CACNA1E: variants seen among roughly 807,000 people sequenced by gnomAD.
CACNA1E encodes voltage-dependent R-type calcium channel subunit alpha-1E.
Under a neutral mutation model 259.2 loss-of-function variants are expected in CACNA1E, and 40 were observed. That is an observed-to-expected ratio of 0.15 (90% CI 0.12 to 0.20). The LOEUF is 0.20. Ranked by LOEUF, CACNA1E falls within the 10% of genes least tolerant of loss-of-function variation. The probability of loss-of-function intolerance (pLI) is 1.00; values close to 1 mark genes in which losing one functional copy is unlikely to be tolerated. For missense variants in CACNA1E, 1,874 were observed against 3,040.1 expected, an observed-to-expected ratio of 0.62 and a Z score of 9.02; for synonymous variants, 1,104 against 1,138.5, an observed-to-expected ratio of 0.97 and a Z score of 0.61.
chr1:181,401,355 A>G (rs1657091350), intron 1 of CACNA1E, among the ~76,000 whole-genome samples: 1 of 152,160 alleles, frequency 6.6e-6, no homozygotes, highest in Non-Finnish European at 1.5e-5. Context: ...AAGACCCTCT[A>G]TAGCCTCCCA....
chr1:181,526,001 T>C (rs1437394272), intron 3 of CACNA1E, among the ~76,000 whole-genome samples: 1 of 152,142 alleles, frequency 6.6e-6, no homozygotes, highest in Non-Finnish European at 1.5e-5. Flanking sequence ...ATATTTCCAG[T>C]GCACAATTCT....
chr1:181,440,871 C>T (rs1660416169), intron 2 of CACNA1E, among the ~76,000 whole-genome samples: 2 of 151,558 alleles, frequency 1.3e-5, no homozygotes, highest in African/African-American at 4.8e-5. Flanking sequence ...TATGATCCTA[C>T]TCAGGAAGCT....
chr1:181,657,450 G>A (rs1659298062), intron 7 of CACNA1E, among the ~76,000 whole-genome samples: 1 of 152,190 alleles, frequency 6.6e-6, no homozygotes, highest in African/African-American at 2.4e-5. Context: ...GTTGAAAGTG[G>A]TTGCCTCTGG....
At chr1:181,393,212 A>G (rs981462549) in intron 1 of CACNA1E, among the ~76,000 whole-genome samples, 1 of 152,204 alleles carries the variant, frequency 6.6e-6, no homozygotes, top group African/African-American at 2.4e-5. Flanking sequence ...GGCTCTACCA[A>G]TTACCAGTTA....
chr1:181,648,055 C>G (rs1299747699), intron 6 of CACNA1E, among the ~76,000 whole-genome samples: 1 of 152,364 alleles, frequency 6.6e-6, no homozygotes, highest in South Asian at 2.1e-4. Flanking sequence ...TTTTCTCCTT[C>G]TAGTTCCCAT....
chr1:181,698,620 C>T (rs995125955), intron 7 of CACNA1E, among the ~76,000 whole-genome samples: 12 of 151,960 alleles, frequency 7.9e-5, no homozygotes, highest in South Asian at 2.1e-4. Flanking sequence ...ATGTATTGTA[C>T]GAATCCTCAT....
chr1:181,371,240 T>C (rs1654694131), intron 1 of CACNA1E, among the ~76,000 whole-genome samples: 1 of 152,212 alleles, frequency 6.6e-6, no homozygotes, highest in Non-Finnish European at 1.5e-5. Flanking sequence ...ATGTCTTCTT[T>C]TGCTGTGCAG....
At chr1:181,524,996 T>C (rs945179609) in intron 3 of CACNA1E, among the ~76,000 whole-genome samples, 1 of 152,260 alleles carries the variant, frequency 6.6e-6, no homozygotes, top group Non-Finnish European at 1.5e-5. Flanking sequence ...TCAAGAAATA[T>C]TTGCTATGTG....
intron 25 of CACNA1E, among the ~76,000 whole-genome samples, chr1:181,741,431 C>T (rs1259867599): frequency 6.6e-6 from 1 of 152,198 alleles, no homozygotes; most frequent in Non-Finnish European, 1.5e-5. Context: ...GTTGATTCCC[C>T]TCCTCATCCT....
intron 6 of CACNA1E, among the ~76,000 whole-genome samples, chr1:181,637,548 C>T (rs1332219694): frequency 6.6e-6 from 1 of 150,794 alleles, no homozygotes; most frequent in African/African-American, 2.4e-5. Flanking sequence ...CAGATTTAAT[C>T]GGAGCCATAC....
intron 3 of CACNA1E, 34 bp downstream of exon 3, chr1:181,511,544 G>A (rs774704536): frequency 2.3e-5 from 37 of 1,609,726 alleles, no homozygotes; most frequent in Non-Finnish European, 3.0e-5. Flanking sequence ...CTGTGTGTGT[G>A]TATGAAGGGG....
In CACNA1E at chr1:181,472,633, C is replaced by CAT. The variant is rs1353626630; in HGVS notation, c.435-11110_435-11109dup. On this transcript the variant is annotated intron_variant, in intron 2 of 11. Coordinates refer to the CACNA1E transcript ENST00000524607. ...CGAGTTTACAAAGCATTTTAATACA[C>CAT]ATCTCTACCATCTCAACATCATTCT... is the stretch of plus-strand genomic sequence containing the variant. Among the ~76,000 whole-genome samples the CAT allele has an allele frequency of 3.3e-5, 5 of 152,236 alleles. No homozygotes were observed. The East Asian group carries it at 5.8e-4, about 18-fold the overall frequency.
intron 1 of CACNA1E, among the ~76,000 whole-genome samples, chr1:181,489,987 A>T (rs944122936): frequency 2.0e-5 from 3 of 152,226 alleles, no homozygotes; most frequent in Non-Finnish European, 4.4e-5. Context: ...TGTTTCCAGC[A>T]TCAATCTTAA....
At chr1:181,328,891 C>T (rs905510008) in intron 1 of CACNA1E, among the ~76,000 whole-genome samples, 1 of 152,130 alleles carries the variant, frequency 6.6e-6, no homozygotes, top group Admixed American at 6.5e-5. Context: ...TTCTCACAGC[C>T]ACCATAGTGT....
chr1:181,421,806 C>T (rs1386384362), intron 2 of CACNA1E, among the ~76,000 whole-genome samples: 4 of 152,250 alleles, frequency 2.6e-5, no homozygotes, highest in African/African-American at 7.2e-5. Context: ...TTCCAAGCCA[C>T]TATCCTTTGG....
intron 1 of CACNA1E, among the ~76,000 whole-genome samples, chr1:181,360,149 A>G (rs971996232): frequency 2.0e-5 from 3 of 152,236 alleles, no homozygotes; most frequent in Admixed American, 6.5e-5. Flanking sequence ...AGCCTTTAGC[A>G]GAAAAGAGTT....
At chr1:181,342,858 G>A (rs530876813) in intron 1 of CACNA1E, among the ~76,000 whole-genome samples, 50 of 152,206 alleles carry the variant, frequency 3.3e-4, no homozygotes, top group Admixed American at 5.2e-4. Context: ...TGCTCACTTC[G>A]TATGGTTTTG....
chr1:181,639,290 G>A (rs1232072918), intron 6 of CACNA1E, among the ~76,000 whole-genome samples: 3 of 152,120 alleles, frequency 2.0e-5, no homozygotes, highest in South Asian at 2.1e-4. Context: ...GGGTTTCACC[G>A]TGTTAGCCAG....
intron 3 of CACNA1E, among the ~76,000 whole-genome samples, chr1:181,526,943 G>A (rs940165535): frequency 1.3e-5 from 2 of 152,206 alleles, no homozygotes; most frequent in Admixed American, 6.5e-5. Flanking sequence ...GGAAAGGGAA[G>A]CATATAATGA....
Sources: allele counts gnomAD v4.1 joint callset (sites outside exome capture counted in the v4.1 genomes callset), GRCh38; gene constraint gnomAD v4.1.1; transcripts MANE v1.5; gene names NCBI Gene and HGNC (gene_info 2026-07-23, HGNC 2026-07-21).